The following TNS3 variants were observed in gnomAD, a reference collection of about 807,000 sequenced individuals.
TNS3 encodes the protein tensin-3.
A neutral mutation model predicts 140.9 loss-of-function variants in TNS3; 45 were observed. That is an observed-to-expected ratio of 0.32 (90% CI 0.25 to 0.41). TNS3 has a LOEUF of 0.41. Among genes scored for constraint, TNS3 ranks in the 10% least tolerant of loss-of-function variants. The pLI is 1.00. For synonymous variants in TNS3, 815 were observed against 788.4 expected, an observed-to-expected ratio of 1.03 and a Z score of -0.56; for missense variants, 1,716 against 1,906.7, an observed-to-expected ratio of 0.90 and a Z score of 1.86.
intron 2 of TNS3, among the ~76,000 whole-genome samples, chr7:47,508,044 C>T (rs1798482457): frequency 6.6e-6 from 1 of 152,188 alleles, no homozygotes; most frequent in African/African-American, 2.4e-5. Flanking sequence ...GACCTGAAGA[C>T]CAAGGCCTCA....
intron 1 of TNS3, among the ~76,000 whole-genome samples, chr7:47,551,029 G>C (rs1161804335): frequency 6.6e-6 from 1 of 152,202 alleles, no homozygotes; most frequent in Non-Finnish European, 1.5e-5. Context: ...CTCAGAAAAA[G>C]GGCAAGGAGG....
At chr7:47,316,928 TGGA>T (rs1663050523) in intron 20 of TNS3, among the ~76,000 whole-genome samples, 1 of 152,146 alleles carries the variant, frequency 6.6e-6, no homozygotes, top group Non-Finnish European at 1.5e-5. Flanking sequence ...ACCCCAACAC[TGGA>T]AAAGCATTTT....
At chr7:47,295,839 G>A (rs561037619) in intron 24 of TNS3, among the ~76,000 whole-genome samples, 70 of 152,302 alleles carry the variant, frequency 4.6e-4, no homozygotes, top group African/African-American at 1.7e-3. Context: ...ACTCCAAGGC[G>A]ATTTTCTCCA....
rs71003401 is a variant in TNS3, at chr7:47,448,476, A to ATTTTTT, written c.-75-6427_-75-6422dup. Among the ~76,000 whole-genome samples the ATTTTTT allele has an allele frequency of 2.4e-4, 31 of 129,658 alleles. 1 individual carries two copies. The highest frequency in any genetic ancestry group is 8.1e-4 in the African/African-American group (26 of 32,238). 85.1% of individuals were successfully genotyped at this position (129,658 alleles called of 152,430 possible). On this transcript the variant is annotated intron_variant, in intron 4 of 30. Coordinates refer to ENST00000311160, the MANE Select transcript of TNS3 (RefSeq NM_022748.12). ...AGAGCCCAACTCTGGTGGGAATTCGATTTTTTTTTTTTTTTTTTTTTGAGA... is the reference window on the plus strand; with the variant it reads ...AGAGCCCAACTCTGGTGGGAATTCGATTTTTTTTTTTTTTTTTTTTTTTTTTTGAGA...
chr7:47,473,513 GC>G (rs1359260677), intron 4 of TNS3, among the ~76,000 whole-genome samples: 1 of 152,182 alleles, frequency 6.6e-6, no homozygotes, highest in Non-Finnish European at 1.5e-5. Flanking sequence ...GTGATCTTCA[GC>G]CGAGACTCTG....
chr7:47,486,003 GGT>G (rs1289891216), intron 3 of TNS3, among the ~76,000 whole-genome samples: 1 of 150,194 alleles, frequency 6.7e-6, no homozygotes, highest in African/African-American at 2.5e-5. Context: ...TGTGAGTGTG[GGT>G]GTGTGGAGGT....
intron 30 of TNS3, 120 bp downstream of exon 30, chr7:47,280,044 A>G (rs926258695): frequency 4.2e-6 from 5 of 1,203,470 alleles, no homozygotes; most frequent in Admixed American, 2.2e-5. Flanking sequence ...TTTTTAAAAG[A>G]AATTGGCATG....
At chr7:47,472,230 A>G (rs1796984486) in intron 4 of TNS3, among the ~76,000 whole-genome samples, 1 of 152,208 alleles carries the variant, frequency 6.6e-6, no homozygotes, top group Non-Finnish European at 1.5e-5. Context: ...ATCATTCCAA[A>G]TAAGGTCACA....
At chr7:47,546,126 A>G (rs1799914127) in intron 1 of TNS3, among the ~76,000 whole-genome samples, 1 of 151,852 alleles carries the variant, frequency 6.6e-6, no homozygotes. Flanking sequence ...GCGGACCCCG[A>G]CCCCACTCCT....
At chr7:47,516,260 C>T (rs543322249) in intron 2 of TNS3, among the ~76,000 whole-genome samples, 3 of 152,296 alleles carry the variant, frequency 2.0e-5, no homozygotes, top group African/African-American at 4.8e-5. Flanking sequence ...GTAAAGATCA[C>T]GGCACTGAGG....
At position 47,293,587 on chromosome 7, in the gene TNS3, T is replaced by G. The variant is rs977051934; in HGVS notation, c.3772+146A>C. 1.3e-5 allele frequency: 9 copies of G among 679,804 alleles called. 1 individual carries two copies. In the South Asian group the frequency reaches 1.7e-4, roughly 13 times the overall value. The allele number at this position is 679,804 out of a possible 1,614,324, so 42.1% of individuals were successfully genotyped here. On this transcript the variant is annotated intron_variant, in intron 25 of 30. Transcript: ENST00000311160. ...ATCTAGTTTATCTTAAAGATAATAA[T>G]GCAGATCAGCAGGATTTCAGAACTG...
At chr7:47,481,720 C>A (rs1458206616) in intron 3 of TNS3, 2 of 985,170 alleles carry the variant, frequency 2.0e-6, no homozygotes, top group African/African-American at 3.5e-5. Context: ...CTCTGAAGAC[C>A]GAGAGCTCCC....
intron 4 of TNS3, among the ~76,000 whole-genome samples, chr7:47,446,688 CTTTTTTTTTTTTTTT>C (rs144042398): frequency 0.43 from 42,292 of 98,408 alleles, 7,600 homozygotes; most frequent in Middle Eastern, 0.52. Context: ...TCCAGGCTGC[CTTTTTTTTTTTTTTT>C]TTTTTTTTTT....
intron 16 of TNS3, among the ~76,000 whole-genome samples, chr7:47,394,144 C>T (rs1345490661): frequency 6.6e-6 from 1 of 152,226 alleles, no homozygotes; most frequent in African/African-American, 2.4e-5. Flanking sequence ...GTTCAAATTG[C>T]TTCTCTAATC....
chr7:47,576,899 G>T (rs1402343052), intron 1 of TNS3, among the ~76,000 whole-genome samples: 1 of 152,266 alleles, frequency 6.6e-6, no homozygotes, highest in African/African-American at 2.4e-5. Flanking sequence ...AGCAACTGCA[G>T]ACGGCAGTGA....
chr7:47,383,091 C>A (rs1033609759), intron 16 of TNS3, among the ~76,000 whole-genome samples: 1 of 152,146 alleles, frequency 6.6e-6, no homozygotes, highest in Non-Finnish European at 1.5e-5. Flanking sequence ...TAAGAATATC[C>A]TAGGGCCAAA....
At chr7:47,446,733 G>A (rs554608567) in intron 4 of TNS3, among the ~76,000 whole-genome samples, 1 of 132,684 alleles carries the variant, frequency 7.5e-6, no homozygotes, top group African/African-American at 2.9e-5. Flanking sequence ...TGTCGCCCAG[G>A]CTGGAGTGCA....
chr7:47,517,462 C>T (rs1214770818), intron 2 of TNS3, among the ~76,000 whole-genome samples: 2 of 152,154 alleles, frequency 1.3e-5, no homozygotes, highest in Admixed American at 6.5e-5. Context: ...GGACCTTCAC[C>T]ACCTCCAACA....
Position 47,529,046 on chromosome 7 carries a change from A to T in TNS3, c.-163T>A. 4 of 1,286,528 alleles carry T rather than the reference A, an allele frequency of 3.1e-6. No individual in the cohort carries two copies. Among genetic ancestry groups the T allele is most frequent in the Non-Finnish European group, 4.1e-6 (4 of 987,526 alleles). The allele number at this position is 1,286,528 out of a possible 1,614,324, so 79.7% of individuals were successfully genotyped here. ...TAAACACAGACTTACCTCGGCATGAAATACCTTGACCGTCAATAATTTGTT... is the reference window on the plus strand; with the variant it reads ...TAAACACAGACTTACCTCGGCATGATATACCTTGACCGTCAATAATTTGTT... On this transcript the variant is annotated 5_prime_UTR_variant, in exon 2 of 31. Transcript: ENST00000311160.
Sources: gnomAD v4.1 joint callset for allele counts (sites outside exome capture counted in the v4.1 genomes callset) on GRCh38, gnomAD v4.1.1 for gene constraint, MANE v1.5 for transcripts, NCBI Gene and HGNC (gene_info 2026-07-23, HGNC 2026-07-21) for gene names.